NSL1: variants seen among roughly 807,000 people sequenced by gnomAD.
NSL1 encodes the protein NSL1 component of MIS12 kinetochore complex.
In NSL1, 11 loss-of-function variants were observed where a neutral mutation model predicts 25.4. The observed-to-expected ratio is 0.43, with a 90% CI of 0.27 to 0.72. The LOEUF is 0.72. Among genes scored for constraint, NSL1 ranks in the 30% least tolerant of loss-of-function variants. The probability of loss-of-function intolerance (pLI) is 0.19; values close to 1 mark genes in which losing one functional copy is unlikely to be tolerated. For synonymous variants in NSL1, 118 were observed against 120.6 expected, an observed-to-expected ratio of 0.98 and a Z score of 0.14; for missense variants, 330 against 342.7, an observed-to-expected ratio of 0.96 and a Z score of 0.29.
rs558340341 is a variant in NSL1, at chr1:212,726,608, T to C, written c.*11800A>G. 591 of 152,972 alleles carry C rather than the reference T, an allele frequency of 3.9e-3. 3 individuals are homozygous for C. Among genetic ancestry groups the C allele is most frequent in the Non-Finnish European group, 6.6e-3 (449 of 68,524 alleles). The allele number at this position is 152,972 out of a possible 1,614,324, so 9.5% of individuals were successfully genotyped here. A position where few individuals can be genotyped will look rare whatever the true frequency, so the allele number is the denominator to read the frequency against. ...GATGATAACGTCTGTGGCTGGTTTA[T>C]TGAATTTGTTCTAGGCTTGTGTCCC... On this transcript the variant is annotated 3_prime_UTR_variant, in exon 6 of 6. Coordinates refer to ENST00000366977, the MANE Select transcript of NSL1 (RefSeq NM_015471.4).
Position 212,729,214 on chromosome 1 carries a change from G to A in NSL1, c.*9194C>T. 1 of 985,406 alleles carries A rather than the reference G, an allele frequency of 1.0e-6. No homozygotes were observed. Among genetic ancestry groups the A allele is most frequent in the South Asian group, 4.7e-5 (1 of 21,282 alleles). 61.0% of individuals were successfully genotyped at this position (985,406 alleles called of 1,614,324 possible). On this transcript the variant is annotated 3_prime_UTR_variant, in exon 6 of 6. Transcript: ENST00000366977. ...CCAAACCCATGAGTTTCACTCTCAG[G>A]TTCCCTCTAGGAGCAGAAGTGCAGG...
rs1475462457 is a variant in NSL1, at chr1:212,735,987, A to G, written c.*2421T>C. ...ATTTTGGTACCAGTTTTCAGAAACCAGCTTTGACAGTGTTCTCTCTTCTTT... is the reference window on the plus strand; with the variant it reads ...ATTTTGGTACCAGTTTTCAGAAACCGGCTTTGACAGTGTTCTCTCTTCTTT... On this transcript the variant is annotated 3_prime_UTR_variant, in exon 6 of 6. Transcript: ENST00000366977. 1.0e-6 allele frequency: 1 copy of G among 985,342 alleles called. No homozygotes were observed. The highest frequency in any genetic ancestry group is 6.1e-5 in the Admixed American group (1 of 16,270). 61.0% of individuals were successfully genotyped at this position (985,342 alleles called of 1,614,324 possible). A position where few individuals can be genotyped will look rare whatever the true frequency, so the allele number is the denominator to read the frequency against.
At chr1:212,762,345 T>G (rs1659617036) in intron 4 of NSL1, among the ~76,000 whole-genome samples, 1 of 151,128 alleles carries the variant, frequency 6.6e-6, no homozygotes, top group Non-Finnish European at 1.5e-5. Flanking sequence ...GTTTACGAAT[T>G]TGTGTTAGAC....
At position 212,791,739 on chromosome 1, in the gene NSL1, C is replaced by A. The variant is rs780415457; in HGVS notation, c.25G>T (p.Val9Phe). The change falls in exon 1 of 6, where the codon GTC (valine) becomes TTC (phenylalanine). Residue 9 changes from valine to phenylalanine, a missense_variant. Val to Phe is a conservative substitution (Grantham distance 50, BLOSUM62 -1). Transcript: ENST00000366977. MAGSPELV[V>F]LDPPWDKELA... Reference sequence around the variant, plus strand: ...TCCTTGTCCCATGGAGGGTCAAGGACCACCAACTCAGGAGACCCCGCCATT... The same window carrying A: ...TCCTTGTCCCATGGAGGGTCAAGGAACACCAACTCAGGAGACCCCGCCATT... The A allele has an allele frequency of 6.2e-7, 1 of 1,611,200 alleles. No individual in the cohort carries two copies. The highest frequency in any genetic ancestry group is 8.5e-7 in the Non-Finnish European group (1 of 1,178,392).
At chr1:212,742,066 C>T (rs2102431702) in intron 4 of NSL1, among the ~76,000 whole-genome samples, 1 of 152,262 alleles carries the variant, frequency 6.6e-6, no homozygotes, top group Admixed American at 6.5e-5. Context: ...CACTTCAGAA[C>T]ATATTTTGTA....
intron 1 of NSL1, among the ~76,000 whole-genome samples, chr1:212,790,021 C>CT (rs971444196): frequency 1.5e-3 from 229 of 148,120 alleles, no homozygotes; most frequent in Non-Finnish European, 2.4e-3. Context: ...TCCACTGAAC[C>CT]TTTTTTTTTT....
intron 4 of NSL1, among the ~76,000 whole-genome samples, chr1:212,741,449 G>C (rs1477830069): frequency 1.3e-5 from 2 of 152,142 alleles, no homozygotes; most frequent in Admixed American, 6.5e-5. Context: ...ATTGGATCAC[G>C]GGGCGATTTC....
chr1:212,775,192 G>C (rs73081902), intron 4 of NSL1, among the ~76,000 whole-genome samples: 27,237 of 152,138 alleles, frequency 0.18, 2,768 homozygotes, highest in African/African-American at 0.28. Context: ...GTCCAGAATA[G>C]TCAGGTCTAT....
rs1435085652 is a variant in NSL1, at chr1:212,730,232, A to G, written c.*8176T>C. The G allele has an allele frequency of 3.7e-6, 3 of 809,718 alleles. No individual in the cohort carries two copies. The highest frequency in any genetic ancestry group is 4.3e-6 in the Non-Finnish European group (3 of 698,790). 50.2% of individuals were successfully genotyped at this position (809,718 alleles called of 1,614,324 possible). On this transcript the variant is annotated 3_prime_UTR_variant, in exon 6 of 6. Coordinates refer to ENST00000366977, the MANE Select transcript of NSL1 (RefSeq NM_015471.4). ...TCCACTACACTCCAGCCTGGGTGAC[A>G]GTCTCAAAAAAAAAAAAAAAAAAAA...
chr1:212,759,715 T>A (rs750668167), intron 4 of NSL1, among the ~76,000 whole-genome samples: 3 of 151,976 alleles, frequency 2.0e-5, no homozygotes, highest in Non-Finnish European at 2.9e-5. Context: ...CTTGCTGACA[T>A]CCCCACTGCA....
At position 212,735,504 on chromosome 1, in the gene NSL1, A is replaced by C. The variant is rs778948975; in HGVS notation, c.*2904T>G. The C allele has an allele frequency of 1.9e-4, 192 of 985,344 alleles. 1 individual carries two copies. The highest frequency in any genetic ancestry group is 1.5e-3 in the Middle Eastern group (3 of 1,936). 61.0% of individuals were successfully genotyped at this position (985,344 alleles called of 1,614,324 possible). A position where few individuals can be genotyped will look rare whatever the true frequency, so the allele number is the denominator to read the frequency against. ...CTTTGTCCTCTACGGAGCCCAAGCC[A>C]TAAAGGGCCAGGGAAAGAGGTCTAG... On this transcript the variant is annotated 3_prime_UTR_variant, in exon 6 of 6. Coordinates refer to ENST00000366977, the MANE Select transcript of NSL1 (RefSeq NM_015471.4).
At position 212,727,195 on chromosome 1, in the gene NSL1, G is replaced by A. The variant is rs1166809640; in HGVS notation, c.*11213C>T. The A allele has an allele frequency of 6.5e-7, 1 of 1,532,734 alleles. No homozygotes were observed. Among genetic ancestry groups the A allele is most frequent in the African/African-American group, 1.4e-5 (1 of 71,130 alleles). The allele number at this position is 1,532,734 out of a possible 1,614,324, so 94.9% of individuals were successfully genotyped here. ...GGCTTGGCTCCTAATGTGTTAAATG[G>A]GGGTGAATGGAATTTAGAAGATCTC... On this transcript the variant is annotated 3_prime_UTR_variant, in exon 6 of 6. Transcript: ENST00000366977.
At chr1:212,786,127 GAT>G (rs553857575) in intron 2 of NSL1, among the ~76,000 whole-genome samples, 44,182 of 149,348 alleles carry the variant, frequency 0.3, 8,153 homozygotes, top group Non-Finnish European at 0.4. Context: ...TTCCTAGATA[GAT>G]AGATAGAGAG....
intron 4 of NSL1, among the ~76,000 whole-genome samples, chr1:212,771,233 G>C (rs765898581): frequency 2.0e-5 from 3 of 152,142 alleles, no homozygotes; most frequent in Non-Finnish European, 4.4e-5. Context: ...AGAATCACTT[G>C]AATCTGGGAG....
chr1:212,772,880 C>T (rs1355984403), intron 4 of NSL1, among the ~76,000 whole-genome samples: 4 of 152,052 alleles, frequency 2.6e-5, no homozygotes, highest in Non-Finnish European at 4.4e-5. Context: ...AGAACAGATG[C>T]ATGGAAATCT....
In NSL1 at chr1:212,738,462, G is replaced by A. The variant is rs1282254106; in HGVS notation, c.792C>T (p.Cys264=). 6.2e-6 allele frequency: 10 copies of A among 1,613,780 alleles called. No homozygotes were observed. In the South Asian group the frequency reaches 1.1e-4, roughly 18 times the overall value. The change falls in exon 6 of 6, where the codon TGC becomes TGT. Residue 264 remains cysteine, a synonymous_variant. Transcript: ENST00000366977. ...MVLKRKQTKD[C]PQRKWYPLRP... is the part of the protein sequence containing the mutation. ...GCAATGGATACCATTTTCTCTGGGG[G>A]CAGTCTTTAGTTTGCTTTCTTTTCA...
intron 3 of NSL1, among the ~76,000 whole-genome samples, chr1:212,783,431 AT>A: frequency 6.6e-6 from 1 of 152,338 alleles, no homozygotes; most frequent in East Asian, 1.9e-4. Flanking sequence ...TATAAAGAAA[AT>A]TAAAAATTCT....
At position 212,728,970 on chromosome 1, in the gene NSL1, G is replaced by A; in HGVS notation, c.*9438C>T. 2.0e-6 allele frequency: 2 copies of A among 985,222 alleles called. No homozygotes were observed. Among genetic ancestry groups the A allele is most frequent in the Non-Finnish European group, 2.4e-6 (2 of 829,792 alleles). 61.0% of individuals were successfully genotyped at this position (985,222 alleles called of 1,614,324 possible). A position where few individuals can be genotyped will look rare whatever the true frequency, so the allele number is the denominator to read the frequency against. ...CTTTGAATATGAAAGAAAAAGAAAT[G>A]AGGAGTAATTTTAGTAAGGAGGATT... On this transcript the variant is annotated 3_prime_UTR_variant, in exon 6 of 6. Transcript: ENST00000366977.
chr1:212,761,748 AT>A (rs143123436), intron 4 of NSL1, among the ~76,000 whole-genome samples: 3,461 of 152,256 alleles, frequency 0.023, 62 homozygotes, highest in South Asian at 0.042. Flanking sequence ...AAGAAAAACA[AT>A]TCATGATCTG....
Sources: gnomAD v4.1 joint callset for allele counts (sites outside exome capture counted in the v4.1 genomes callset) on GRCh38, gnomAD v4.1.1 for gene constraint, MANE v1.5 for transcripts, NCBI Gene and HGNC (gene_info 2026-07-23, HGNC 2026-07-21) for gene names.